The following TWIST2 variants were observed in gnomAD, a reference collection of about 807,000 sequenced individuals.
TWIST2 encodes the protein twist-related protein 2.
A neutral mutation model predicts 11.6 loss-of-function variants in TWIST2; 1 was observed. The ratio of observed to expected loss-of-function variants is 0.09; its 90% CI spans 0.03 to 0.41. TWIST2 has a LOEUF of 0.41. Among genes scored for constraint, TWIST2 ranks in the 10% least tolerant of loss-of-function variants. The pLI is 0.98. For missense variants in TWIST2, 168 were observed against 226.4 expected (o/e 0.74, Z 1.66); for synonymous variants, 87 against 96.6 (o/e 0.90, Z 0.58).
intron 1 of TWIST2, among the ~76,000 whole-genome samples, chr2:238,859,400 G>A (rs1459438968): frequency 6.6e-6 from 1 of 151,910 alleles, no homozygotes; most frequent in African/African-American, 2.4e-5. Flanking sequence ...TCATGGGAGG[G>A]GGTGTCGGGG....
chr2:238,898,533 A>G (rs1271346558), intron 1 of TWIST2, among the ~76,000 whole-genome samples: 8 of 152,302 alleles, frequency 5.3e-5, no homozygotes, highest in Non-Finnish European at 8.8e-5. Flanking sequence ...GGATTGGTAC[A>G]AAAGGGGAGT....
intron 1 of TWIST2, among the ~76,000 whole-genome samples, chr2:238,865,626 G>T (rs901213576): frequency 6.6e-6 from 1 of 152,072 alleles, no homozygotes; most frequent in African/African-American, 2.4e-5. Context: ...CCAGCCACAT[G>T]CCTGCAGGTT....
At chr2:238,861,656 C>G (rs1042971709) in intron 1 of TWIST2, among the ~76,000 whole-genome samples, 1 of 152,208 alleles carries the variant, frequency 6.6e-6, no homozygotes, top group African/African-American at 2.4e-5. Context: ...TTTTAGCACA[C>G]CTGCCACCAC....
At chr2:238,902,580 TGTGTGTGTTGTA>T (rs1693282788) in intron 1 of TWIST2, among the ~76,000 whole-genome samples, 1 of 147,050 alleles carries the variant, frequency 6.8e-6, no homozygotes, top group Non-Finnish European at 1.5e-5. Context: ...TAATGTGAGT[TGTGTGTGTTGTA>T]GTGTGTGTGA....
chr2:238,878,813 G>A (rs1182625422), intron 1 of TWIST2, among the ~76,000 whole-genome samples: 9 of 152,150 alleles, frequency 5.9e-5, no homozygotes, highest in South Asian at 4.1e-4. Context: ...TGGGGGGTCC[G>A]TGCTTTCAGC....
intron 1 of TWIST2, among the ~76,000 whole-genome samples, chr2:238,889,368 T>G (rs548598377): frequency 2.0e-4 from 30 of 152,334 alleles, no homozygotes; most frequent in African/African-American, 7.2e-4. Flanking sequence ...TATATTTATA[T>G]ATACACACAT....
chr2:238,909,115 G>A (rs1693409280), intron 1 of TWIST2, among the ~76,000 whole-genome samples: 2 of 38,364 alleles, frequency 5.2e-5, no homozygotes, highest in African/African-American at 1.9e-4. Context: ...GTGTGTGTAT[G>A]TGGGGTGGGG....
At chr2:238,861,150 G>A (rs981939178) in intron 1 of TWIST2, among the ~76,000 whole-genome samples, 1 of 152,188 alleles carries the variant, frequency 6.6e-6, no homozygotes, top group Non-Finnish European at 1.5e-5. Flanking sequence ...CAGTCGGCTT[G>A]ACAGGAACAT....
intron 1 of TWIST2, among the ~76,000 whole-genome samples, chr2:238,878,975 A>G (rs1047972232): frequency 6.6e-6 from 1 of 152,242 alleles, no homozygotes; most frequent in Non-Finnish European, 1.5e-5. Flanking sequence ...AGAAGGGCTC[A>G]AACACCCAAG....
chr2:238,862,082 G>A (rs550864616), intron 1 of TWIST2, among the ~76,000 whole-genome samples: 51 of 152,338 alleles, frequency 3.3e-4, no homozygotes, highest in Non-Finnish European at 2.9e-5. Flanking sequence ...ACACGTGGAC[G>A]GAACACAGCG....
rs543976509 is a variant in TWIST2, at chr2:238,863,542, G to C, written c.*35+14809G>C. Among the ~76,000 whole-genome samples the C allele has an allele frequency of 3.5e-4, 53 of 152,262 alleles. No homozygotes were observed. The highest frequency in any genetic ancestry group is 1.3e-3 in the African/African-American group (53 of 41,554). On this transcript the variant is annotated intron_variant, in intron 1 of 1. Coordinates refer to ENST00000612363, the MANE Select transcript of TWIST2 (RefSeq NM_001271893.4). The surrounding 1 kb of genome is among the most constrained non-coding windows in gnomAD (Gnocchi z 4.7). ...GTTCCCAAATGGCGCTTCATGATGG[G>C]ACTGGCGCTCATCCTCACACTGTTA...
Position 238,848,239 on chromosome 2 carries a change from C to T in TWIST2, c.24C>T (p.Pro8=). 4.0e-6 allele frequency: 6 copies of T among 1,488,254 alleles called. No individual in the cohort carries two copies. Among genetic ancestry groups the T allele is most frequent in the Non-Finnish European group, 5.4e-6 (6 of 1,117,652 alleles). 92.2% of individuals were successfully genotyped at this position (1,488,254 alleles called of 1,614,324 possible). A position where few individuals can be genotyped will look rare whatever the true frequency, so the allele number is the denominator to read the frequency against. The change falls in exon 1 of 2, where the codon CCC becomes CCT. Residue 8 remains proline, a synonymous_variant. Transcript: ENST00000612363. The part of the protein sequence containing the change: MEEGSSS[P]VSPVDSLGTS... The stretch of plus-strand genomic sequence containing the variant: ...CCATGGAGGAGGGCTCCAGCTCGCC[C>T]GTGTCCCCCGTGGACAGCCTGGGCA...
In TWIST2 at chr2:238,890,873, T is replaced by C. The variant is rs897113743; in HGVS notation, c.*36-18969T>C. On this transcript the variant is annotated intron_variant, in intron 1 of 1. Transcript: ENST00000612363. Reference sequence around the variant, plus strand: ...TCTGCCCTTCCCAGATTGAAATCGTTCTGCCCACCGTCATCACAAACAGCA... The same window carrying C: ...TCTGCCCTTCCCAGATTGAAATCGTCCTGCCCACCGTCATCACAAACAGCA... Among the ~76,000 whole-genome samples the C allele has an allele frequency of 2.0e-5, 3 of 152,086 alleles. No individual in the cohort carries two copies. The East Asian group carries it at 5.8e-4, about 29-fold the overall frequency.
intron 1 of TWIST2, among the ~76,000 whole-genome samples, chr2:238,848,951 T>A (rs1692186889): frequency 6.6e-6 from 1 of 151,782 alleles, no homozygotes; most frequent in South Asian, 2.1e-4. Context: ...AGGGTGTCAG[T>A]TGGGAACCGG....
chr2:238,858,361 G>A (rs1692366950), intron 1 of TWIST2, among the ~76,000 whole-genome samples: 1 of 152,200 alleles, frequency 6.6e-6, no homozygotes, highest in South Asian at 2.1e-4. Flanking sequence ...TCTGGAATAA[G>A]TCATATGGGA....
intron 1 of TWIST2, among the ~76,000 whole-genome samples, chr2:238,900,494 G>C (rs1007304242): frequency 4.6e-5 from 7 of 152,222 alleles, no homozygotes; most frequent in African/African-American, 1.7e-4. Flanking sequence ...TCCATCATTT[G>C]TTGTCGTACT....
At chr2:238,882,813 G>A (rs894084891) in intron 1 of TWIST2, among the ~76,000 whole-genome samples, 1 of 152,182 alleles carries the variant, frequency 6.6e-6, no homozygotes, top group African/African-American at 2.4e-5. Context: ...AGTCCTCCAT[G>A]ATCAAAGCTT....
At chr2:238,885,934 A>G (rs1303100947) in intron 1 of TWIST2, among the ~76,000 whole-genome samples, 1 of 151,920 alleles carries the variant, frequency 6.6e-6, no homozygotes. Flanking sequence ...TATCTCTACT[A>G]AAAATACAAA....
At chr2:238,908,965 T>A (rs1693403738) in intron 1 of TWIST2, among the ~76,000 whole-genome samples, 1 of 104,504 alleles carries the variant, frequency 9.6e-6, no homozygotes, top group Non-Finnish European at 2.1e-5. Flanking sequence ...GGTGTGTATG[T>A]ACAGTGCGGG....
Sources: gnomAD v4.1 joint callset for allele counts (sites outside exome capture counted in the v4.1 genomes callset) on GRCh38, gnomAD v4.1.1 for gene constraint, Gnocchi (gnomAD v3.1) non-coding constraint, MANE v1.5 for transcripts, NCBI Gene and HGNC (gene_info 2026-07-23, HGNC 2026-07-21) for gene names.